Variants in MRC1 observed in about 807,000 individuals in gnomAD.
MRC1 encodes macrophage mannose receptor 1.
Under a neutral mutation model 102.9 loss-of-function variants are expected in MRC1, and 62 were observed. The observed-to-expected ratio is 0.60, with a 90% confidence interval of 0.49 to 0.74. MRC1 has a LOEUF of 0.74. MRC1 is among the 30% of genes least tolerant of loss of function. The pLI is 0.00. For missense variants in MRC1, 1,237 were observed against 862.8 expected, an observed-to-expected ratio of 1.43 and a Z score of -5.43; for synonymous variants, 457 against 298.4, an observed-to-expected ratio of 1.53 and a Z score of -5.48.
intron 8 of MRC1, among the ~76,000 whole-genome samples, chr10:17,853,861 A>G (rs1482987642): frequency 2.6e-5 from 4 of 152,206 alleles, no homozygotes; most frequent in Non-Finnish European, 5.9e-5. Context: ...AGTGATTAAG[A>G]GGCTGAGTTT....
chr10:17,823,624 A>G (rs1193810738), intron 2 of MRC1, 149 bp downstream of exon 2: 1 of 698,282 alleles, frequency 1.4e-6, no homozygotes, highest in African/African-American at 1.8e-5. Flanking sequence ...ATTCTGTAGG[A>G]CTATTCTGAG....
chr10:17,891,260 G>A (rs1035248088), intron 22 of MRC1, among the ~76,000 whole-genome samples: 1 of 151,480 alleles, frequency 6.6e-6, no homozygotes, highest in Admixed American at 6.6e-5. Flanking sequence ...ACCGCCTCCC[G>A]GGTTCACGCC....
chr10:17,809,509 G>A lies in MRC1; in HGVS notation c.44G>A (p.Gly15Asp), dbSNP rs1838190456. 2 of 872,792 alleles carry A rather than the reference G, an allele frequency of 2.3e-6. No homozygotes were observed. The highest frequency in any genetic ancestry group is 4.0e-6 in the Non-Finnish European group (2 of 501,524). 54.1% of individuals were successfully genotyped at this position (872,792 alleles called of 1,614,324 possible). A position where few individuals can be genotyped will look rare whatever the true frequency, so the allele number is the denominator to read the frequency against. ...LLLVFASVIP[G>D]AVLLLDTRQF... ...CTGGTTTTTGCCTCTGTCATTCCGG[G>A]TGCTGTTCTCCTACTGGGTAAGTCT... Residue 15 changes from glycine (G) to aspartate (D), a missense_variant, in exon 1 of 30, where the codon GGT becomes GAT. Transcript: ENST00000569591.
intron 5 of MRC1, among the ~76,000 whole-genome samples, chr10:17,844,466 C>CATCCAT (rs1380058660): frequency 4.6e-5 from 7 of 152,102 alleles, no homozygotes; most frequent in Non-Finnish European, 8.8e-5. Flanking sequence ...TTGATCCATC[C>CATCCAT]GCCTCAGCCT....
At position 17,856,318 on chromosome 10, in the gene MRC1, C is replaced by A; in HGVS notation, c.1484C>A (p.Pro495Gln). ...ICKMKSRSQG[P>Q]EIVEVEKGCR... is the part of the protein sequence containing the mutation. ...AAGATGAAATCACGAAGCCAAGGTC[C>A]AGAAATAGTGGAAGTCGAAAAAGGC... Residue 495 changes from proline to glutamine, a missense_variant, in exon 9 of 30, where the codon CCA becomes CAA. By Grantham distance (76) the Pro-to-Gln change is moderately conservative. Transcript: ENST00000569591. 1 of 860,334 alleles carries A rather than the reference C, an allele frequency of 1.2e-6. No individual in the cohort carries two copies. Among genetic ancestry groups the A allele is most frequent in the East Asian group, 2.4e-5 (1 of 41,388 alleles). The allele number at this position is 860,334 out of a possible 1,614,324, so 53.3% of individuals were successfully genotyped here.
intron 2 of MRC1, among the ~76,000 whole-genome samples, chr10:17,826,792 C>T (rs1388107842): frequency 6.6e-6 from 1 of 152,056 alleles, no homozygotes; most frequent in African/African-American, 2.4e-5. Flanking sequence ...AATCTGTTGG[C>T]CTTAACTTGT....
chr10:17,809,852 T>C (rs1235479938), intron 1 of MRC1, among the ~76,000 whole-genome samples: 1 of 152,126 alleles, frequency 6.6e-6, no homozygotes, highest in Non-Finnish European at 1.5e-5. Flanking sequence ...TCCTGCTCTG[T>C]GGTTTACTCT....
At chr10:17,883,059 A>C (rs1054682233) in intron 21 of MRC1, among the ~76,000 whole-genome samples, 58 of 152,218 alleles carry the variant, frequency 3.8e-4, no homozygotes, top group Non-Finnish European at 8.8e-5. Flanking sequence ...GTTTCATTTC[A>C]AGCTGGGGAT....
At chr10:17,894,456 G>C (rs1833726729) in intron 23 of MRC1, 144 bp downstream of exon 23, 1 of 633,888 alleles carries the variant, frequency 1.6e-6, no homozygotes, top group Non-Finnish European at 2.7e-6. Context: ...CTGAAGTGCA[G>C]TGGTGTGATC....
At chr10:17,838,214 G>A (rs1280176558) in intron 4 of MRC1, among the ~76,000 whole-genome samples, 1 of 152,148 alleles carries the variant, frequency 6.6e-6, no homozygotes, top group African/African-American at 2.4e-5. Context: ...AAGCACTGAT[G>A]AGAACCCTTA....
At chr10:17,858,575 C>T (rs1407370719) in intron 9 of MRC1, among the ~76,000 whole-genome samples, 4 of 152,158 alleles carry the variant, frequency 2.6e-5, no homozygotes, top group Non-Finnish European at 5.9e-5. Flanking sequence ...GCAACCTCCG[C>T]CTCCCGGGCT....
rs940318828 is a variant in MRC1, at chr10:17,816,247, C to T, written c.61+6721C>T. Among the ~76,000 whole-genome samples, 33 of 152,252 alleles carry T rather than the reference C, an allele frequency of 2.2e-4. No homozygotes were observed. In the East Asian group the frequency reaches 6.2e-3, roughly 28 times the overall value. Reference sequence around the variant, plus strand: ...CATTTATTTAACTGAGGCTGGTGAACATATTTCTTAGTTTGGATTCCCCAA... The same window carrying T: ...CATTTATTTAACTGAGGCTGGTGAATATATTTCTTAGTTTGGATTCCCCAA... On this transcript the variant is annotated intron_variant, in intron 1 of 29. Coordinates refer to ENST00000569591, the MANE Select transcript of MRC1 (RefSeq NM_002438.4).
At chr10:17,826,883 C>T (rs970554251) in intron 2 of MRC1, among the ~76,000 whole-genome samples, 3 of 152,144 alleles carry the variant, frequency 2.0e-5, no homozygotes, top group Non-Finnish European at 2.9e-5. Context: ...GAGAACAATG[C>T]CAAAATGTCT....
intron 22 of MRC1, among the ~76,000 whole-genome samples, chr10:17,892,241 G>T (rs1160995675): frequency 6.6e-6 from 1 of 152,120 alleles, no homozygotes; most frequent in Non-Finnish European, 1.5e-5. Context: ...TAGGACTCAT[G>T]GAAGGAAAAC....
chr10:17,895,234 A>T (rs1414094738), intron 23 of MRC1, among the ~76,000 whole-genome samples: 1 of 152,080 alleles, frequency 6.6e-6, no homozygotes, highest in Non-Finnish European at 1.5e-5. Flanking sequence ...AAACAAAAAC[A>T]AAAATAAAAT....
At chr10:17,890,885 C>T (rs1439480495) in intron 22 of MRC1, among the ~76,000 whole-genome samples, 1 of 152,028 alleles carries the variant, frequency 6.6e-6, no homozygotes, top group Admixed American at 6.6e-5. Flanking sequence ...AGCCGTTCCT[C>T]GTCACTCGCA....
chr10:17,905,809 G>T (rs2130723723), intron 26 of MRC1, among the ~76,000 whole-genome samples: 2 of 152,252 alleles, frequency 1.3e-5, no homozygotes, highest in East Asian at 3.9e-4. Context: ...CTCTGCTACT[G>T]TTAGGATCTT....
intron 12 of MRC1, among the ~76,000 whole-genome samples, chr10:17,867,220 C>T (rs967112023): frequency 6.0e-5 from 9 of 149,630 alleles, no homozygotes; most frequent in African/African-American, 2.2e-4. Flanking sequence ...CCTCCTCCTT[C>T]CTCCATCCTC....
At chr10:17,860,692 T>A (rs1032373064) in intron 9 of MRC1, among the ~76,000 whole-genome samples, 1 of 152,324 alleles carries the variant, frequency 6.6e-6, no homozygotes, top group South Asian at 2.1e-4. Context: ...CACCTTCTAG[T>A]ATTGTCTTCC....
Sources: allele counts gnomAD v4.1 joint callset (sites outside exome capture counted in the v4.1 genomes callset), GRCh38; gene constraint gnomAD v4.1.1; transcripts MANE v1.5; gene names NCBI Gene and HGNC (gene_info 2026-07-23, HGNC 2026-07-21).